TEX9: variants seen among roughly 807,000 people sequenced by gnomAD.
TEX9 encodes the protein testis expressed 9, also known as testis-expressed protein 9.
TEX9 carries 74 observed loss-of-function variants against 59.6 expected under a neutral mutation model. That is an observed-to-expected ratio of 1.24 (90% CI 1.03 to 1.51). The LOEUF is 1.51. Among genes scored for constraint, TEX9 ranks in the 40% most tolerant of loss-of-function variants. The pLI, the probability that TEX9 is intolerant of heterozygous loss-of-function variation, is 0.00. For synonymous variants in TEX9, 186 were observed against 152.2 expected (o/e 1.22, Z -1.64); for missense variants, 522 against 447.8 (o/e 1.17, Z -1.49).
intron 2 of TEX9, 52 bp from the exon 3 acceptor site, chr15:56,373,389 T>C: frequency 1.3e-6 from 2 of 1,539,716 alleles, no homozygotes; most frequent in Non-Finnish European, 8.8e-7. Flanking sequence ...TGAAGTTTAT[T>C]TTTTATTTTT....
rs565561580 is a variant in TEX9, at chr15:56,318,229, G to A, written c.-106-55212G>A. ...ACCCTTTTATTTATGTTCCTAATGC[G>A]TTGATCCTTTTATTATTAAAAAAGT... On this transcript the variant is annotated intron_variant, in intron 1 of 5. Coordinates refer to the TEX9 transcript ENST00000560827. Among the ~76,000 whole-genome samples, 11 of 152,092 alleles carry A rather than the reference G, an allele frequency of 7.2e-5. No individual in the cohort carries two copies. The East Asian group carries it at 9.6e-4, about 13-fold the overall frequency.
intron 2 of TEX9, among the ~76,000 whole-genome samples, chr15:56,367,267 C>T (rs2046988719): frequency 6.6e-6 from 1 of 151,914 alleles, no homozygotes; most frequent in South Asian, 2.1e-4. Flanking sequence ...AACAGAGTAA[C>T]TCCCTACACT....
intron 1 of TEX9, among the ~76,000 whole-genome samples, chr15:56,278,932 G>C (rs752285960): frequency 1.3e-5 from 2 of 151,932 alleles, no homozygotes; most frequent in Non-Finnish European, 2.9e-5. Context: ...TATTAAAAAG[G>C]GGTCTTCCTC....
intron 6 of TEX9, among the ~76,000 whole-genome samples, chr15:56,389,875 A>G (rs1208337418): frequency 6.6e-6 from 1 of 151,968 alleles, no homozygotes; most frequent in Non-Finnish European, 1.5e-5. Flanking sequence ...AAAGAATTCA[A>G]GACGGTTCTT....
intron 1 of TEX9, among the ~76,000 whole-genome samples, chr15:56,329,760 AAAG>A (rs2046101948): frequency 6.6e-6 from 1 of 152,182 alleles, no homozygotes; most frequent in Non-Finnish European, 1.5e-5. Context: ...ACAAAAGAAA[AAAG>A]AATAAAAAAC....
At chr15:56,438,761 T>C (rs1279600750) in intron 12 of TEX9, among the ~76,000 whole-genome samples, 1 of 152,088 alleles carries the variant, frequency 6.6e-6, no homozygotes, top group African/African-American at 2.4e-5. Context: ...CAAGGGGTAA[T>C]ATCCAGAATC....
At chr15:56,307,965 T>C (rs1404382370) in intron 1 of TEX9, among the ~76,000 whole-genome samples, 1 of 152,256 alleles carries the variant, frequency 6.6e-6, no homozygotes, top group South Asian at 2.1e-4. Context: ...TCATATTTTG[T>C]TTATCCATTC....
At chr15:56,376,700 T>G (rs1316890816) in intron 3 of TEX9, among the ~76,000 whole-genome samples, 1 of 152,142 alleles carries the variant, frequency 6.6e-6, no homozygotes, top group East Asian at 1.9e-4. Flanking sequence ...TCCCATTCTG[T>G]GGGTTGTCTC....
At position 56,370,878 on chromosome 15, in the gene TEX9, C is replaced by T. The variant is rs147909063; in HGVS notation, c.120-2563C>T. 5.3e-4 allele frequency among the ~76,000 whole-genome samples: 81 copies of T among 152,196 alleles called. 1 individual carries two copies. Among genetic ancestry groups the T allele is most frequent in the African/African-American group, 1.9e-3 (79 of 41,518 alleles). On this transcript the variant is annotated intron_variant, in intron 2 of 12. Coordinates refer to ENST00000352903, the Ensembl canonical transcript of TEX9. ...GATTTCTTTTTTTCTCTTTTGGAGA[C>T]AGAGCCTTGCTCTGTTGCCCAGGCT...
chr15:56,417,570 C>T (rs545066611), intron 10 of TEX9, among the ~76,000 whole-genome samples: 8 of 151,550 alleles, frequency 5.3e-5, no homozygotes, highest in African/African-American at 1.5e-4. Flanking sequence ...GGTATGATTT[C>T]GTTCTTTTAC....
intron 1 of TEX9, among the ~76,000 whole-genome samples, chr15:56,286,925 G>T (rs1257569341): frequency 6.6e-6 from 1 of 152,102 alleles, no homozygotes; most frequent in African/African-American, 2.4e-5. Flanking sequence ...GGCAGAGGCA[G>T]ATGAGACAAT....
At chr15:56,448,274 G>A (rs1232082933), downstream of TEX9, among the ~76,000 whole-genome samples, 1 of 152,098 alleles carries the variant, frequency 6.6e-6, no homozygotes, top group Non-Finnish European at 1.5e-5. Flanking sequence ...AGATACTGGG[G>A]GTACATGTGC....
chr15:56,387,720 C>A (rs1447851674), intron 4 of TEX9, among the ~76,000 whole-genome samples: 8 of 151,788 alleles, frequency 5.3e-5, no homozygotes. Flanking sequence ...TGTAAAGGGG[C>A]AGATAGCAAA....
chr15:56,399,384 C>T (rs1355083820), intron 9 of TEX9, among the ~76,000 whole-genome samples: 6 of 152,150 alleles, frequency 3.9e-5, no homozygotes, highest in Admixed American at 6.5e-5. Flanking sequence ...GATCGAACTG[C>T]GAGGTGGCAG....
At chr15:56,443,891 A>G in intron 12 of TEX9, 1 of 1,398,278 alleles carries the variant, frequency 7.2e-7, no homozygotes, top group Non-Finnish European at 9.7e-7. Flanking sequence ...TATAGTAAAC[A>G]ATAAAATATA....
At chr15:56,262,795 A>G (rs1363528676) in intron 1 of TEX9, among the ~76,000 whole-genome samples, 1 of 152,226 alleles carries the variant, frequency 6.6e-6, no homozygotes, top group Non-Finnish European at 1.5e-5. Flanking sequence ...CTATGGACAT[A>G]AAAATTTAGG....
intron 1 of TEX9, among the ~76,000 whole-genome samples, chr15:56,344,832 G>T (rs75364709): frequency 0.044 from 6,674 of 151,568 alleles, 222 homozygotes; most frequent in Admixed American, 0.087. Context: ...AGAATACACT[G>T]GGAACATAAA....
intron 10 of TEX9, among the ~76,000 whole-genome samples, chr15:56,426,384 C>CTT (rs1453516390): frequency 6.6e-6 from 1 of 151,328 alleles, no homozygotes; most frequent in Non-Finnish European, 1.5e-5. Flanking sequence ...TGAATATGGC[C>CTT]TTTTCTTAGT....
intron 1 of TEX9, among the ~76,000 whole-genome samples, chr15:56,247,011 A>G (rs1348483274): frequency 6.6e-6 from 1 of 152,246 alleles, no homozygotes; most frequent in Non-Finnish European, 1.5e-5. Flanking sequence ...GGAAATGACT[A>G]TTTTATTTAT....
Sources: gnomAD v4.1 joint callset for allele counts (sites outside exome capture counted in the v4.1 genomes callset) on GRCh38, gnomAD v4.1.1 for gene constraint, MANE v1.5 for transcripts, NCBI Gene and HGNC (gene_info 2026-07-23, HGNC 2026-07-21) for gene names.